Variants in PSD3 observed in about 807,000 individuals in gnomAD.
PSD3 encodes the protein pleckstrin and Sec7 domain containing 3.
A neutral mutation model predicts 105.5 loss-of-function variants in PSD3; 49 were observed. That is an observed-to-expected ratio of 0.46 (90% confidence interval 0.37 to 0.59). The LOEUF (loss-of-function observed/expected upper bound fraction) is 0.59. Among genes scored for constraint, PSD3 ranks in the 20% least tolerant of loss-of-function variants. The pLI, the probability that PSD3 is intolerant of heterozygous loss-of-function variation, is 0.00. For missense variants in PSD3, 1,561 were observed against 1,263.8 expected (o/e 1.24, Z -3.57); for synonymous variants, 557 against 457.8 (o/e 1.22, Z -2.77).
rs56410753 is a variant in PSD3, at chr8:18,727,551, AAC to A, written c.2172+37896_2172+37897del. Among the ~76,000 whole-genome samples, 1,239 of 137,702 alleles carry A rather than the reference AAC, an allele frequency of 9.0e-3. 13 individuals carry two copies. Among genetic ancestry groups the A allele is most frequent in the East Asian group, 0.029 (137 of 4,652 alleles). The allele number at this position is 137,702 out of a possible 152,430, so 90.3% of individuals were successfully genotyped here. A position where few individuals can be genotyped will look rare whatever the true frequency, so the allele number is the denominator to read the frequency against. On this transcript the variant is annotated intron_variant, in intron 9 of 15. Coordinates refer to ENST00000327040, the MANE Select transcript of PSD3 (RefSeq NM_015310.4). ...AATAGCTAAATTAAAAAAAAATCCA[AAC>A]ACACACACACACACACACACACACA...
At chr8:18,734,642 G>A (rs777045891) in intron 9 of PSD3, among the ~76,000 whole-genome samples, 14 of 152,178 alleles carry the variant, frequency 9.2e-5, no homozygotes, top group Non-Finnish European at 2.1e-4. Flanking sequence ...AACTTAGCAA[G>A]TCATGAGGAG....
intron 2 of PSD3, among the ~76,000 whole-genome samples, chr8:18,881,328 T>C (rs1387120025): frequency 6.6e-6 from 1 of 152,138 alleles, no homozygotes; most frequent in East Asian, 1.9e-4. Flanking sequence ...TAAAATGAAA[T>C]GAAATAGAAA....
chr8:18,630,123 C>T lies in PSD3; in HGVS notation c.2410+2490G>A, dbSNP rs542453824. Reference sequence around the variant, plus strand: ...ATATATTTTCCCTTTGGTTCTGAGGCAGGAACAGAGATAGAAACAAGCAGA... The same window carrying T: ...ATATATTTTCCCTTTGGTTCTGAGGTAGGAACAGAGATAGAAACAAGCAGA... On this transcript the variant is annotated intron_variant, in intron 11 of 15. Transcript: ENST00000327040. 4.0e-5 allele frequency among the ~76,000 whole-genome samples: 6 copies of T among 151,826 alleles called. No homozygotes were observed. In the South Asian group the frequency reaches 8.3e-4, roughly 21 times the overall value.
chr8:18,683,799 G>A, intron 9 of PSD3: 1 of 765,326 alleles, frequency 1.3e-6, no homozygotes, highest in Non-Finnish European at 2.4e-6. Flanking sequence ...AGAAAACTCT[G>A]AGGAGTTGGA....
intron 12 of PSD3, among the ~76,000 whole-genome samples, chr8:18,581,044 T>C (rs1195934485): frequency 1.3e-5 from 2 of 152,120 alleles, no homozygotes; most frequent in African/African-American, 4.8e-5. Flanking sequence ...ACAAAGCCCA[T>C]GACAGAAACT....
chr8:18,738,122 G>A (rs991491294), intron 9 of PSD3, among the ~76,000 whole-genome samples: 1 of 152,196 alleles, frequency 6.6e-6, no homozygotes, highest in African/African-American at 2.4e-5. Flanking sequence ...AGAAGAGCAA[G>A]CCCAGAACTG....
chr8:19,059,825 C>G (rs1328795864), intron 1 of PSD3, among the ~76,000 whole-genome samples: 1 of 152,218 alleles, frequency 6.6e-6, no homozygotes, highest in Non-Finnish European at 1.5e-5. Flanking sequence ...GCCAGGGTGC[C>G]CTTCAGCTCT....
intron 4 of PSD3, among the ~76,000 whole-genome samples, chr8:18,837,216 C>T (rs558807642): frequency 6.6e-6 from 1 of 152,118 alleles, no homozygotes; most frequent in Non-Finnish European, 1.5e-5. Context: ...ATAAGATAGA[C>T]AGCGAATGTG....
At chr8:18,923,684 G>A (rs746193782) in intron 2 of PSD3, among the ~76,000 whole-genome samples, 8 of 152,224 alleles carry the variant, frequency 5.3e-5, no homozygotes, top group Non-Finnish European at 8.8e-5. Context: ...CTAGGTTTGC[G>A]TAAGTACATT....
rs1824629760 is a variant in PSD3 at position 18,971,209 on chromosome 8, G to T, written c.22-35067C>A. The stretch of plus-strand genomic sequence containing the variant: ...TCAAGTTAGTTTAGGTAGAAAAGGT[G>T]TGTGTTTACTGGCAAGGTTTGGGGA... On this transcript the variant is annotated intron_variant, in intron 1 of 15. Transcript: ENST00000327040. Among the ~76,000 whole-genome samples, 3 of 152,286 alleles carry T rather than the reference G, an allele frequency of 2.0e-5. No homozygotes were observed. The South Asian group carries it at 6.2e-4, about 32-fold the overall frequency.
Position 18,867,793 on chromosome 8 carries a change from C to G in PSD3, c.1515G>C (p.Leu505=). Residue 505 remains leucine, a synonymous_variant, in exon 4 of 16, where the codon CTG becomes CTC. Coordinates refer to ENST00000327040, the MANE Select transcript of PSD3 (RefSeq NM_015310.4). ...RTSGGGHQDI[L]SVSADGGIVM... is the part of the protein sequence containing the mutation. Reference sequence around the variant, plus strand: ...CGATGCCACCATCTGCAGACACACTCAGGATATCCTGATGTCCTCCCCCTG... The same window carrying G: ...CGATGCCACCATCTGCAGACACACTGAGGATATCCTGATGTCCTCCCCCTG... The G allele has an allele frequency of 6.2e-7, 1 of 1,614,172 alleles. No individual in the cohort carries two copies. Among genetic ancestry groups the G allele is most frequent in the Non-Finnish European group, 8.5e-7 (1 of 1,180,030 alleles).
rs370621977 is a variant in PSD3, at chr8:18,558,872, T to C, written c.2785-2520A>G. 2.3e-4 allele frequency among the ~76,000 whole-genome samples: 35 copies of C among 152,304 alleles called. No individual in the cohort carries two copies. In the East Asian group the frequency reaches 6.2e-3, roughly 27 times the overall value. On this transcript the variant is annotated intron_variant, in intron 14 of 15. Coordinates refer to ENST00000327040, the MANE Select transcript of PSD3 (RefSeq NM_015310.4). ...AAGTGTATTCTCTAGGTTTTATACT[T>C]GATATAAAAACTAATTAAAGGCTTT...
intron 4 of PSD3, among the ~76,000 whole-genome samples, chr8:18,836,911 G>C (rs73666732): frequency 1.3e-4 from 19 of 150,820 alleles, no homozygotes; most frequent in African/African-American, 4.4e-4. Flanking sequence ...TACCAGGGCT[G>C]ACTGTACTTT....
At chr8:18,779,866 A>G (rs888330749) in intron 8 of PSD3, among the ~76,000 whole-genome samples, 1 of 152,194 alleles carries the variant, frequency 6.6e-6, no homozygotes, top group Non-Finnish European at 1.5e-5. Flanking sequence ...AGCCTCAAGA[A>G]TGTCCCATGT....
At chr8:19,003,995 T>C (rs370258193) in intron 1 of PSD3, among the ~76,000 whole-genome samples, 11 of 152,212 alleles carry the variant, frequency 7.2e-5, no homozygotes, top group African/African-American at 2.6e-4. Flanking sequence ...TTAGGAAGAC[T>C]GCTCCTTCAG....
intron 1 of PSD3, among the ~76,000 whole-genome samples, chr8:18,997,838 T>C (rs1198739381): frequency 6.6e-6 from 1 of 151,822 alleles, no homozygotes; most frequent in African/African-American, 2.4e-5. Flanking sequence ...GACCACCCAT[T>C]TGTAACTGCA....
chr8:18,664,957 C>T (rs977225739), intron 9 of PSD3, among the ~76,000 whole-genome samples: 4 of 152,100 alleles, frequency 2.6e-5, no homozygotes, highest in African/African-American at 9.7e-5. Context: ...AGACCTATTG[C>T]TCAGAAAAAA....
intron 15 of PSD3, among the ~76,000 whole-genome samples, chr8:18,538,594 C>A (rs146333236): frequency 1.2e-4 from 18 of 152,216 alleles, no homozygotes; most frequent in Non-Finnish European, 4.4e-5. Flanking sequence ...GTAAGGCATA[C>A]GATTTCATGA....
rs1422061645 is a variant in PSD3, at chr8:18,531,183, C to A, written c.*4560G>T. The A allele has an allele frequency of 1.3e-5, 2 of 152,592 alleles. No individual in the cohort carries two copies. Among genetic ancestry groups the A allele is most frequent in the East Asian group, 3.9e-4 (2 of 5,192 alleles). 9.5% of individuals were successfully genotyped at this position (152,592 alleles called of 1,614,324 possible). A position where few individuals can be genotyped will look rare whatever the true frequency, so the allele number is the denominator to read the frequency against. ...ACACACACAAATTACAAAGGATGAA[C>A]CGAAGAGACTTAAGAAAACCTACTG... On this transcript the variant is annotated 3_prime_UTR_variant, in exon 16 of 16. Transcript: ENST00000327040.
Sources: allele counts gnomAD v4.1 joint callset (sites outside exome capture counted in the v4.1 genomes callset), GRCh38; gene constraint gnomAD v4.1.1; transcripts MANE v1.5; gene names NCBI Gene and HGNC (gene_info 2026-07-23, HGNC 2026-07-21).